Variants in PLVAP observed in about 807,000 individuals in gnomAD.
The protein encoded by PLVAP is plasmalemma vesicle associated protein, also known as plasmalemma vesicle-associated protein.
PLVAP carries 34 observed loss-of-function variants against 43.1 expected under a neutral mutation model. That is an observed-to-expected ratio of 0.79 (90% CI 0.60 to 1.05). PLVAP has a LOEUF of 1.05. Ranked by LOEUF, PLVAP falls within the 50% of genes least tolerant of loss-of-function variation. PLVAP has a pLI of 0.00. For missense variants in PLVAP, 574 were observed against 593.4 expected (o/e 0.97, Z 0.34); for synonymous variants, 241 against 237.3 (o/e 1.02, Z -0.14).
chr19:17,352,207 G>C lies in PLVAP; in HGVS notation c.*155C>G. ...GAGGCGCGGGTGCGGGTGTGAGAGG[G>C]TACTAGGGGTTTGCATGCAGGGAGT... On this transcript the variant is annotated 3_prime_UTR_variant, in exon 6 of 6. Coordinates refer to ENST00000252590, the MANE Select transcript of PLVAP (RefSeq NM_031310.3). 2.0e-6 allele frequency: 2 copies of C among 998,970 alleles called. No homozygotes were observed. Among genetic ancestry groups the C allele is most frequent in the Non-Finnish European group, 3.0e-6 (2 of 676,166 alleles). The allele number at this position is 998,970 out of a possible 1,614,324, so 61.9% of individuals were successfully genotyped here. A position where few individuals can be genotyped will look rare whatever the true frequency, so the allele number is the denominator to read the frequency against.
rs535383500 is a variant in PLVAP at position 17,365,349 on chromosome 19, C to T, written c.1116G>A (p.Ala372=). ...AKELEEKKRE[A]EQLRMELAIR... ...TGGCCAGCTCCATCCTGAGCTGCTCCGCCTCCCTCTTCTTCTCTTCCAGCT... is the reference window on the plus strand; with the variant it reads ...TGGCCAGCTCCATCCTGAGCTGCTCTGCCTCCCTCTTCTTCTCTTCCAGCT... The change falls in exon 3 of 6, where the codon GCG becomes GCA. Residue 372 remains alanine (A), a synonymous_variant. Coordinates refer to ENST00000252590, the MANE Select transcript of PLVAP (RefSeq NM_031310.3). 33 of 1,613,372 alleles carry T rather than the reference C, an allele frequency of 2.0e-5. No homozygotes were observed. The South Asian group carries it at 2.3e-4, about 11-fold the overall frequency.
At chr19:17,373,144 G>C (rs2074581064) in intron 1 of PLVAP, among the ~76,000 whole-genome samples, 1 of 146,970 alleles carries the variant, frequency 6.8e-6, no homozygotes, top group African/African-American at 2.5e-5. Context: ...GGGAGGCAGG[G>C]CTCTAATCTG....
Position 17,377,082 on chromosome 19 carries a change from GC to G in PLVAP, c.206del (p.Gly69AlafsTer7). The stretch of plus-strand genomic sequence containing the variant: ...TGAGCCCTAGGAGCTGACTGTATAG[GC>G]CCTCGGCTCGGCGCTCGGTGGCCTG... ...NLQATERRAE[G>X]LYSQLLGLTA... is the part of the protein sequence containing the mutation. On this transcript the variant is annotated frameshift_variant, in exon 1 of 6. Coordinates refer to ENST00000252590, the MANE Select transcript of PLVAP (RefSeq NM_031310.3). LOFTEE classifies it high-confidence loss of function. 6.2e-7 allele frequency: 1 copy of G among 1,614,172 alleles called. No individual in the cohort carries two copies. The highest frequency in any genetic ancestry group is 1.1e-5 in the South Asian group (1 of 91,082).
At chr19:17,362,780 CAGTGAAATCCTA>C (rs1257619167) in intron 3 of PLVAP, 3 of 152,202 alleles carry the variant, frequency 2.0e-5, no homozygotes, top group Admixed American at 6.6e-5. Context: ...GTTCTAAAAT[CAGTGAAATCCTA>C]AGTGAAATCC....
In PLVAP at chr19:17,352,377, G is replaced by A. The variant is rs561173415; in HGVS notation, c.1323-9C>T. ...TGGAGCCTCCTCAGCCACTAGGGCA[G>A]GAAGGGGATGGTAACACAACAGAGT... On this transcript the variant is annotated splice_polypyrimidine_tract_variant and intron_variant, in intron 5 of 5. Coordinates refer to ENST00000252590, the MANE Select transcript of PLVAP (RefSeq NM_031310.3). The A allele has an allele frequency of 1.2e-6, 2 of 1,613,288 alleles. No homozygotes were observed. The highest frequency in any genetic ancestry group is 2.2e-5 in the South Asian group (2 of 91,074).
intron 1 of PLVAP, among the ~76,000 whole-genome samples, chr19:17,373,888 G>T (rs934959715): frequency 6.6e-6 from 1 of 152,118 alleles, no homozygotes; most frequent in Non-Finnish European, 1.5e-5. Context: ...CTGCCCAGGC[G>T]CAATGGCTCA....
At chr19:17,357,752 C>T (rs2074512086) in intron 5 of PLVAP, among the ~76,000 whole-genome samples, 3 of 152,234 alleles carry the variant, frequency 2.0e-5, no homozygotes. Context: ...AGCCCACTTG[C>T]CCCCGGCCTC....
At chr19:17,373,316 C>T (rs73930549) in intron 1 of PLVAP, among the ~76,000 whole-genome samples, 10,490 of 151,526 alleles carry the variant, frequency 0.069, 443 homozygotes, top group African/African-American at 0.1. Flanking sequence ...GGGGTTTTGG[C>T]GGATAGAGAC....
chr19:17,358,118 G>A lies in PLVAP; in HGVS notation c.1322+2410C>T, dbSNP rs961953437. Among the ~76,000 whole-genome samples the A allele has an allele frequency of 5.9e-5, 9 of 152,160 alleles. No homozygotes were observed. The East Asian group carries it at 1.2e-3, about 20-fold the overall frequency. On this transcript the variant is annotated intron_variant, in intron 5 of 5. Coordinates refer to ENST00000252590, the MANE Select transcript of PLVAP (RefSeq NM_031310.3). ...GAGGAAAATTGTGTTTGCTTGGAGC[G>A]GGGAATCTCCTCCTCACCTTTTTGT...
chr19:17,376,331 T>C (rs1453969768), intron 1 of PLVAP, among the ~76,000 whole-genome samples: 1 of 151,368 alleles, frequency 6.6e-6, no homozygotes, highest in African/African-American at 2.4e-5. Context: ...CTCTGCTAAA[T>C]ATAAACATAT....
At chr19:17,372,586 A>T (rs2074576863) in intron 1 of PLVAP, among the ~76,000 whole-genome samples, 1 of 148,702 alleles carries the variant, frequency 6.7e-6, no homozygotes, top group African/African-American at 2.5e-5. Context: ...CCTCCCGAGT[A>T]GCTGGGACTA....
intron 1 of PLVAP, among the ~76,000 whole-genome samples, 174 bp downstream of exon 1, chr19:17,376,746 C>T (rs919342680): frequency 2.0e-5 from 3 of 152,216 alleles, no homozygotes; most frequent in South Asian, 2.1e-4. Context: ...TGCAGTGAGC[C>T]GAGATTGCAC....
rs1270059716 is a variant in PLVAP, at chr19:17,351,583, G to A, written c.*779C>T. On this transcript the variant is annotated 3_prime_UTR_variant, in exon 6 of 6. Coordinates refer to ENST00000252590, the MANE Select transcript of PLVAP (RefSeq NM_031310.3). The stretch of plus-strand genomic sequence containing the variant: ...ACCCTCACCCCCGGCTCAGGGCCCC[G>A]AGGGGGTCCTGGAAACACTCACGCT... The A allele has an allele frequency of 6.6e-6, 1 of 152,254 alleles. No homozygotes were observed. The highest frequency in any genetic ancestry group is 1.5e-5 in the Non-Finnish European group (1 of 68,082). 9.4% of individuals were successfully genotyped at this position (152,254 alleles called of 1,614,324 possible).
rs1288851485 is a variant in PLVAP at position 17,351,605 on chromosome 19, C to T, written c.*757G>A. ...CCCGAGGGGGTCCTGGAAACACTCA[C>T]GCTCAAGGAGCGGAGGTGAATGGCT... On this transcript the variant is annotated 3_prime_UTR_variant, in exon 6 of 6. Transcript: ENST00000252590. The T allele has an allele frequency of 6.6e-6, 1 of 152,236 alleles. No homozygotes were observed. The highest frequency in any genetic ancestry group is 1.5e-5 in the Non-Finnish European group (1 of 68,060). 9.4% of individuals were successfully genotyped at this position (152,236 alleles called of 1,614,324 possible).
chr19:17,366,888 G>C (rs910094021), intron 1 of PLVAP, among the ~76,000 whole-genome samples: 2 of 150,854 alleles, frequency 1.3e-5, no homozygotes, highest in Non-Finnish European at 2.9e-5. Flanking sequence ...TGCCCGCCTC[G>C]GCTTCCCAAA....
chr19:17,356,172 T>C (rs2074505897), intron 5 of PLVAP, among the ~76,000 whole-genome samples: 1 of 152,056 alleles, frequency 6.6e-6, no homozygotes, highest in South Asian at 2.1e-4. Context: ...TAACCGGGCA[T>C]GCTGGCACGT....
At chr19:17,355,813 T>C (rs1599571072) in intron 5 of PLVAP, among the ~76,000 whole-genome samples, 1 of 152,008 alleles carries the variant, frequency 6.6e-6, no homozygotes, top group Non-Finnish European at 1.5e-5. Flanking sequence ...GGATTACAGG[T>C]GTGAGCCAAC....
At position 17,351,508 on chromosome 19, in the gene PLVAP, A is replaced by C. The variant is rs1006129452; in HGVS notation, c.*854T>G. 1.3e-5 allele frequency: 2 copies of C among 152,282 alleles called. No homozygotes were observed. Among genetic ancestry groups the C allele is most frequent in the African/African-American group, 4.8e-5 (2 of 41,474 alleles). 9.4% of individuals were successfully genotyped at this position (152,282 alleles called of 1,614,324 possible). On this transcript the variant is annotated 3_prime_UTR_variant, in exon 6 of 6. Transcript: ENST00000252590. Reference sequence around the variant, plus strand: ...ACCAACATTTCAACGGGCCACAGGCAGGGCTGGGAGTTGGGGGAGAAGGAG... The same window carrying C: ...ACCAACATTTCAACGGGCCACAGGCCGGGCTGGGAGTTGGGGGAGAAGGAG...
rs1599581885 is a variant in PLVAP at position 17,377,326 on chromosome 19, A to G, written c.-38T>C. On this transcript the variant is annotated 5_prime_UTR_variant, in exon 1 of 6. Coordinates refer to ENST00000252590, the MANE Select transcript of PLVAP (RefSeq NM_031310.3). ...GCCGTCCGGTGCACCGTCCCTGCTC[A>G]CCACCAGGCCTGCTCTGGCCCCCGC... The G allele has an allele frequency of 6.5e-7, 1 of 1,532,924 alleles. No individual in the cohort carries two copies. Among genetic ancestry groups the G allele is most frequent in the Non-Finnish European group, 9.0e-7 (1 of 1,115,912 alleles). The allele number at this position is 1,532,924 out of a possible 1,614,324, so 95.0% of individuals were successfully genotyped here.
Sources: gnomAD v4.1 joint callset for allele counts (sites outside exome capture counted in the v4.1 genomes callset) on GRCh38, gnomAD v4.1.1 for gene constraint, MANE v1.5 for transcripts, NCBI Gene and HGNC (gene_info 2026-07-23, HGNC 2026-07-21) for gene names.